RBFOX1: variants seen among roughly 807,000 people sequenced by gnomAD.
RBFOX1 encodes the protein RNA binding fox-1 homolog 1, also known as RNA binding protein fox-1 homolog 1.
A neutral mutation model predicts 57.7 loss-of-function variants in RBFOX1; 8 were observed. That is an observed-to-expected ratio of 0.14 (90% CI 0.08 to 0.25). RBFOX1 has a LOEUF of 0.25. Ranked by LOEUF, RBFOX1 falls within the 10% of genes least tolerant of loss-of-function variation. RBFOX1 has a pLI of 1.00. For missense variants in RBFOX1, 611 were observed against 548.5 expected (o/e 1.11, Z -1.14); for synonymous variants, 326 against 222.4 (o/e 1.47, Z -4.15).
intron 7 of RBFOX1, among the ~76,000 whole-genome samples, chr16:7,589,004 T>C (rs1229283376): frequency 1.3e-5 from 2 of 152,226 alleles, no homozygotes; most frequent in Non-Finnish European, 2.9e-5. Flanking sequence ...TAGCTCCAGA[T>C]ATTTTACAAT....
intron 3 of RBFOX1, among the ~76,000 whole-genome samples, chr16:6,898,920 T>G (rs1395580561): frequency 6.6e-6 from 1 of 151,478 alleles, no homozygotes; most frequent in African/African-American, 2.4e-5. Flanking sequence ...TGTGCATATG[T>G]GTATATGTGT....
At chr16:6,642,472 A>G (rs762478281) in intron 2 of RBFOX1, among the ~76,000 whole-genome samples, 5 of 151,928 alleles carry the variant, frequency 3.3e-5, no homozygotes, top group Non-Finnish European at 5.9e-5. Flanking sequence ...TCTCGGTACT[A>G]TGTTTAATTG....
chr16:6,849,159 G>A (rs537923657), intron 3 of RBFOX1, among the ~76,000 whole-genome samples: 1 of 152,252 alleles, frequency 6.6e-6, no homozygotes, highest in South Asian at 2.1e-4. Flanking sequence ...AAGGAACCAA[G>A]TAACTTGCTG....
At chr16:7,632,956 G>GT (rs1382872626) in intron 11 of RBFOX1, among the ~76,000 whole-genome samples, 1 of 152,114 alleles carries the variant, frequency 6.6e-6, no homozygotes, top group Admixed American at 6.5e-5. Context: ...AGTGAATTGG[G>GT]GAAGCATCTC....
chr16:6,248,705 G>C (rs1395124939), intron 1 of RBFOX1, among the ~76,000 whole-genome samples: 4 of 152,082 alleles, frequency 2.6e-5, no homozygotes, highest in Admixed American at 2.6e-4. Context: ...TAGAGGTTAA[G>C]TATGGGTTTT....
At chr16:6,477,226 C>A (rs560012310) in intron 2 of RBFOX1, among the ~76,000 whole-genome samples, 5 of 152,144 alleles carry the variant, frequency 3.3e-5, no homozygotes, top group Admixed American at 6.5e-5. Flanking sequence ...ATCTCAAAAG[C>A]GAATATTTTT....
chr16:6,473,955 G>C (rs1319047279), intron 2 of RBFOX1, among the ~76,000 whole-genome samples: 1 of 152,154 alleles, frequency 6.6e-6, no homozygotes, highest in African/African-American at 2.4e-5. Flanking sequence ...TTTTTGTTTG[G>C]CTTCCTGGAC....
At chr16:5,638,799 C>G (rs546156349) in intron 3 of RBFOX1, among the ~76,000 whole-genome samples, 1 of 152,218 alleles carries the variant, frequency 6.6e-6, no homozygotes, top group East Asian at 1.9e-4. Flanking sequence ...AAAAGAGCAG[C>G]CTTAAGTTCT....
chr16:5,633,156 C>T (rs2048572561), intron 3 of RBFOX1, among the ~76,000 whole-genome samples: 1 of 152,046 alleles, frequency 6.6e-6, no homozygotes. Flanking sequence ...CCAGGCTGGT[C>T]TCGAACTCCT....
intron 14 of RBFOX1, among the ~76,000 whole-genome samples, chr16:7,702,061 G>T (rs1174040384): frequency 6.6e-6 from 1 of 152,170 alleles, no homozygotes; most frequent in African/African-American, 2.4e-5. Context: ...TTCCTTGAAT[G>T]GCTCTTCTCC....
intron 3 of RBFOX1, among the ~76,000 whole-genome samples, chr16:5,708,265 A>C (rs1483680508): frequency 6.6e-6 from 1 of 152,124 alleles, no homozygotes; most frequent in African/African-American, 2.4e-5. Context: ...TCATTTGGTA[A>C]ATATGTATCA....
intron 5 of RBFOX1, among the ~76,000 whole-genome samples, chr16:7,562,983 T>G (rs906261808): frequency 3.9e-5 from 6 of 152,176 alleles, no homozygotes; most frequent in African/African-American, 1.2e-4. Flanking sequence ...ATTAAGGGAC[T>G]TGACCCAGGG....
Position 7,073,712 on chromosome 16 carries a change from A to T in RBFOX1, c.27+21614A>T, listed in dbSNP as rs190391958. Reference sequence around the variant, plus strand: ...ATAAAAAAAAATATATACAAAAAAAAATTACACAGGAACGGTGGCACATGC... The same window carrying T: ...ATAAAAAAAAATATATACAAAAAAATATTACACAGGAACGGTGGCACATGC... On this transcript the variant is annotated intron_variant, in intron 4 of 15. Transcript: ENST00000550418. 3.1e-3 allele frequency among the ~76,000 whole-genome samples: 478 copies of T among 152,128 alleles called. 2 individuals are homozygous for T. Among genetic ancestry groups the T allele is most frequent in the Admixed American group, 5.6e-3 (85 of 15,262 alleles).
chr16:5,966,821 G>T (rs1026753493), intron 4 of RBFOX1, among the ~76,000 whole-genome samples: 1 of 152,160 alleles, frequency 6.6e-6, no homozygotes, highest in South Asian at 2.1e-4. Flanking sequence ...TAGGGGGGCA[G>T]ATCCAAACCA....
At chr16:6,209,744 T>C (rs1256380028) in intron 1 of RBFOX1, among the ~76,000 whole-genome samples, 1 of 152,172 alleles carries the variant, frequency 6.6e-6, no homozygotes, top group Non-Finnish European at 1.5e-5. Context: ...AATTATTCCT[T>C]GTCTGGAAGC....
In RBFOX1 at chr16:6,301,784, A is replaced by C. The variant is rs560741504; in HGVS notation, c.-126-15211A>C. ...TATGCTTCTACTAGATCTGGACCCA[A>C]AACATGAGGCTTTACCTATTAAAAG... is the stretch of plus-strand genomic sequence containing the variant. On this transcript the variant is annotated intron_variant, in intron 1 of 15. Transcript: ENST00000550418. Among the ~76,000 whole-genome samples the C allele has an allele frequency of 1.8e-4, 27 of 152,324 alleles. 1 individual carries two copies. The Middle Eastern group carries it at 0.017, about 96-fold the overall frequency.
chr16:6,640,782 G>C (rs1314048319), intron 2 of RBFOX1, among the ~76,000 whole-genome samples: 3 of 152,086 alleles, frequency 2.0e-5, no homozygotes, highest in South Asian at 2.1e-4. Flanking sequence ...TTTTCCTTCA[G>C]TTGGCCTTGA....
intron 1 of RBFOX1, among the ~76,000 whole-genome samples, chr16:6,150,882 G>C (rs577876643): frequency 6.6e-6 from 1 of 152,176 alleles, no homozygotes; most frequent in South Asian, 2.1e-4. Context: ...TTGACGTGCA[G>C]CTGAATTATT....
intron 3 of RBFOX1, among the ~76,000 whole-genome samples, chr16:6,919,019 C>G (rs772135459): frequency 6.6e-6 from 1 of 152,130 alleles, no homozygotes; most frequent in Non-Finnish European, 1.5e-5. Context: ...GTTGCTCATT[C>G]ATCCAGGCTG....
Sources: gnomAD v4.1 joint callset for allele counts (sites outside exome capture counted in the v4.1 genomes callset) on GRCh38, gnomAD v4.1.1 for gene constraint, MANE v1.5 for transcripts, NCBI Gene and HGNC (gene_info 2026-07-23, HGNC 2026-07-21) for gene names.